CAST: variants seen among roughly 807,000 people sequenced by gnomAD.
CAST encodes the protein MIR583 host.
CAST carries 76 observed loss-of-function variants against 119.6 expected under a neutral mutation model. That is an observed-to-expected ratio of 0.64 (90% CI 0.53 to 0.77). The LOEUF is 0.77. Ranked by LOEUF, CAST falls within the 30% of genes least tolerant of loss-of-function variation. CAST has a pLI of 0.00. For synonymous variants in CAST, 319 were observed against 331.6 expected (o/e 0.96, Z 0.41); for missense variants, 953 against 946.5 (o/e 1.01, Z -0.09).
the CAST span, chr5:96,079,003 G>C: frequency 9.9e-6 from 4 of 404,524 alleles, no homozygotes; most frequent in Non-Finnish European, 2.0e-5. Context: ...TTAATACCTG[G>C]GTGATGAAAT....
the CAST span, among the ~76,000 whole-genome samples, chr5:96,421,011 T>G: frequency 6.6e-6 from 1 of 152,070 alleles, no homozygotes; most frequent in African/African-American, 2.4e-5. Context: ...GTAGAGAAAA[T>G]GAAAAGGAAA....
At chr5:96,552,353 A>T (rs1746149616) in intron 1 of CAST, among the ~76,000 whole-genome samples, 1 of 152,240 alleles carries the variant, frequency 6.6e-6, no homozygotes, top group Non-Finnish European at 1.5e-5. Context: ...AGAAATAAAG[A>T]TGTTCTTTGA....
At chr5:96,160,192 G>A in the CAST span, among the ~76,000 whole-genome samples, 49,848 of 151,570 alleles carry the variant, frequency 0.33, 8,375 homozygotes, top group Middle Eastern at 0.39. Context: ...GAGTCATACA[G>A]CCATCACCAC....
At chr5:96,115,028 A>G in the CAST span, among the ~76,000 whole-genome samples, 1 of 152,210 alleles carries the variant, frequency 6.6e-6, no homozygotes, top group Non-Finnish European at 1.5e-5. Flanking sequence ...TTACAAGAGA[A>G]ATGGCCCATG....
the CAST span, among the ~76,000 whole-genome samples, chr5:96,046,542 A>T: frequency 7.2e-5 from 11 of 152,182 alleles, no homozygotes; most frequent in Non-Finnish European, 1.5e-4. Flanking sequence ...ACATGCCCTA[A>T]GTGTGTTAAG....
At chr5:96,040,568 A>G in the CAST span, among the ~76,000 whole-genome samples, 1 of 152,060 alleles carries the variant, frequency 6.6e-6, no homozygotes, top group Admixed American at 6.6e-5. Flanking sequence ...GTTTATTGAG[A>G]GTTTTTAGCA....
chr5:96,603,069 C>T (rs1226414246), intron 1 of CAST, among the ~76,000 whole-genome samples: 1 of 152,124 alleles, frequency 6.6e-6, no homozygotes, highest in Non-Finnish European at 1.5e-5. Context: ...AAAAGAATTG[C>T]CTTCCAAGGT....
the CAST span, among the ~76,000 whole-genome samples, chr5:96,189,479 G>A: frequency 6.6e-6 from 1 of 152,036 alleles, no homozygotes; most frequent in African/African-American, 2.4e-5. Context: ...AATTCATCCT[G>A]CTGAGCAAAT....
chr5:96,544,626 T>C (rs1034160428), intron 1 of CAST, among the ~76,000 whole-genome samples: 18 of 152,184 alleles, frequency 1.2e-4, no homozygotes, highest in Non-Finnish European at 2.2e-4. Flanking sequence ...AAAAGAAGTA[T>C]AATTGATAAG....
the CAST span, among the ~76,000 whole-genome samples, chr5:96,198,433 C>T: frequency 6.6e-6 from 1 of 152,094 alleles, no homozygotes; most frequent in East Asian, 1.9e-4. Context: ...TCTGTGGATA[C>T]TTACATTGTT....
intron 11 of CAST, among the ~76,000 whole-genome samples, chr5:96,739,799 G>T (rs1463810237): frequency 6.6e-6 from 1 of 152,174 alleles, no homozygotes. Context: ...GTATTTAGAA[G>T]TCAACTTTAG....
chr5:96,611,519 T>C (rs963157893), intron 1 of CAST, among the ~76,000 whole-genome samples: 19 of 151,926 alleles, frequency 1.3e-4, no homozygotes, highest in Non-Finnish European at 2.9e-5. Context: ...CAAGAAAGCC[T>C]ACAAAAAATG....
At chr5:96,696,355 C>T (rs1371968914) in intron 3 of CAST, 1 of 152,354 alleles carries the variant, frequency 6.6e-6, no homozygotes, top group Non-Finnish European at 1.5e-5. Context: ...GAAACCAGAG[C>T]TCAAGGAGGT....
the CAST span, among the ~76,000 whole-genome samples, chr5:96,187,933 A>C: frequency 6.6e-6 from 1 of 152,202 alleles, no homozygotes; most frequent in Admixed American, 6.5e-5. Flanking sequence ...AGCTGAAAAC[A>C]AATATTTGCC....
At chr5:96,158,506 A>G in the CAST span, among the ~76,000 whole-genome samples, 1 of 152,220 alleles carries the variant, frequency 6.6e-6, no homozygotes, top group African/African-American at 2.4e-5. Flanking sequence ...ATCTATAATA[A>G]TATGATTAAA....
the CAST span, among the ~76,000 whole-genome samples, chr5:96,000,517 T>C: frequency 6.6e-6 from 1 of 152,196 alleles, no homozygotes; most frequent in Non-Finnish European, 1.5e-5. Flanking sequence ...CTTCGCTGTG[T>C]AGTAGGCACT....
At chr5:96,435,891 A>T in the CAST span, among the ~76,000 whole-genome samples, 1 of 152,218 alleles carries the variant, frequency 6.6e-6, no homozygotes, top group Non-Finnish European at 1.5e-5. Context: ...CAAATGTTTT[A>T]AACATTTTGT....
chr5:96,547,903 T>C (rs1343587602), intron 1 of CAST, among the ~76,000 whole-genome samples: 2 of 152,220 alleles, frequency 1.3e-5, no homozygotes, highest in African/African-American at 4.8e-5. Context: ...AGTTCCAAGG[T>C]CTGAGATCCA....
At chr5:96,024,832 T>A in the CAST span, among the ~76,000 whole-genome samples, 3 of 152,206 alleles carry the variant, frequency 2.0e-5, no homozygotes, top group African/African-American at 7.2e-5. Context: ...CACTACAAAA[T>A]CAGGGTGTCC....
Sources: allele counts gnomAD v4.1 joint callset (sites outside exome capture counted in the v4.1 genomes callset), GRCh38; gene constraint gnomAD v4.1.1; transcripts MANE v1.5; gene names NCBI Gene and HGNC (gene_info 2026-07-23, HGNC 2026-07-21).